The following PIGQ variants were observed in gnomAD, a reference collection of about 807,000 sequenced individuals.
PIGQ encodes the protein phosphatidylinositol glycan anchor biosynthesis class Q, also known as phosphatidylinositol N-acetylglucosaminyltransferase subunit Q.
A neutral mutation model predicts 60.3 loss-of-function variants in PIGQ; 54 were observed. The ratio of observed to expected loss-of-function variants is 0.90; its 90% CI spans 0.72 to 1.12. The LOEUF (loss-of-function observed/expected upper bound fraction) is 1.12, where lower values mean the gene tolerates loss of function less well. Ranked by LOEUF, PIGQ falls within the 50% of genes most tolerant of loss-of-function variation. The pLI, the probability that PIGQ is intolerant of heterozygous loss-of-function variation, is 0.00. For synonymous variants in PIGQ, 416 were observed against 363.7 expected, an observed-to-expected ratio of 1.14 and a Z score of -1.64; for missense variants, 799 against 793.5, an observed-to-expected ratio of 1.01 and a Z score of -0.08.
At chr16:577,442 T>TGACG (rs1567176109) in intron 4 of PIGQ, among the ~76,000 whole-genome samples, 9 of 152,040 alleles carry the variant, frequency 5.9e-5, no homozygotes, top group Admixed American at 2.0e-4. Context: ...CCAGGTATGG[T>TGACG]GGTGGGCACC....
chr16:576,084 C>T (rs1263978251), intron 3 of PIGQ, 50 bp from the exon 4 acceptor site: 2 of 1,543,976 alleles, frequency 1.3e-6, no homozygotes, highest in Middle Eastern at 1.7e-4. Context: ...CCTGCGGCCC[C>T]AGGCTGTGCT....
chr16:581,348 G>A, intron 9 of PIGQ: 1 of 1,210,910 alleles, frequency 8.3e-7, no homozygotes, highest in African/African-American at 1.6e-5. Context: ...TCCAGTAAGT[G>A]CCCCGTCCGC....
intron 1 of PIGQ, among the ~76,000 whole-genome samples, chr16:571,642 A>C (rs1042320741): frequency 7.1e-6 from 1 of 140,348 alleles, no homozygotes; most frequent in Non-Finnish European, 1.5e-5. Context: ...GTGTTTCCTC[A>C]GTCTTTAAAG....
At chr16:571,118 CTGGTGCCCGTGTGTGTG>C (rs2035615172) in intron 1 of PIGQ, among the ~76,000 whole-genome samples, 1 of 4,466 alleles carries the variant, frequency 2.2e-4, no homozygotes, top group Non-Finnish European at 3.8e-4. Flanking sequence ...TCTGGCTAGC[CTGGTGCCCGTGTGTGTG>C]TGTGTGTGTC....
At chr16:579,044 G>GGCCCGA (rs766670351) in intron 6 of PIGQ, 25 bp from the exon 7 acceptor site, 5 of 1,596,052 alleles carry the variant, frequency 3.1e-6, no homozygotes, top group East Asian at 2.2e-5. Flanking sequence ...GGCGGGGCCG[G>GGCCCGA]GCCCGACAGC....
At chr16:576,449 AG>A (rs1173640338) in intron 4 of PIGQ, 195 bp downstream of exon 4, 2 of 656,904 alleles carry the variant, frequency 3.0e-6, no homozygotes, top group Admixed American at 3.0e-5. Flanking sequence ...CAGGCCTCGC[AG>A]GTACACCCCC....
chr16:574,745 C>T lies in PIGQ; in HGVS notation c.671C>T (p.Ser224Leu). Residue 224 changes from serine to leucine, a missense_variant, in exon 2 of 11, where the codon TCA becomes TTA. Transcript: ENST00000321878. ...TTGGCCAGCCTGCTGTCGCTGGTCT[C>T]AGCTGTCAGTGCCTGCCGGTAGGTG... ...LLLASLLSLV[S>L]AVSACRVFKL... 1.3e-6 allele frequency: 2 copies of T among 1,577,786 alleles called. No homozygotes were observed. The highest frequency in any genetic ancestry group is 2.0e-4 in the Middle Eastern group (1 of 5,052).
In PIGQ at chr16:574,070, C is replaced by A. The variant is rs932208184; in HGVS notation, c.-5C>A. The stretch of plus-strand genomic sequence containing the variant: ...GCCTCTCCTCTTCTCTTCCAGCCTC[C>A]CGGCATGGTGCTCAAGGCCTTCTTC... On this transcript the variant is annotated 5_prime_UTR_variant, in exon 2 of 11. Coordinates refer to ENST00000321878, the MANE Select transcript of PIGQ (RefSeq NM_004204.5). 6.3e-7 allele frequency: 1 copy of A among 1,591,026 alleles called. No individual in the cohort carries two copies. The highest frequency in any genetic ancestry group is 8.6e-7 in the Non-Finnish European group (1 of 1,168,912).
At chr16:572,791 G>A (rs952703583) in intron 1 of PIGQ, among the ~76,000 whole-genome samples, 1 of 152,096 alleles carries the variant, frequency 6.6e-6, no homozygotes, top group South Asian at 2.1e-4. Flanking sequence ...CCCTAAGGAT[G>A]TGGTGGGCAC....
Position 580,399 on chromosome 16 carries a change from GGGCAGTGAGTGC to G in PIGQ, c.1416+137_1416+148del, listed in dbSNP as rs945685262. ...CGTGGGTGGCCTTTCAGGACCCTCTGGGCAGTGAGTGCTGCGCTCTGGAGTGGGCGAGGCCCT... is the reference window on the plus strand; with the variant it reads ...CGTGGGTGGCCTTTCAGGACCCTCTGTGCGCTCTGGAGTGGGCGAGGCCCT... On this transcript the variant is annotated intron_variant, in intron 8 of 10. Transcript: ENST00000321878. 4.5e-6 allele frequency: 3 copies of G among 662,716 alleles called. No homozygotes were observed. The African/African-American group carries it at 5.4e-5, about 12-fold the overall frequency. The allele number at this position is 662,716 out of a possible 1,614,324, so 41.1% of individuals were successfully genotyped here. A position where few individuals can be genotyped will look rare whatever the true frequency, so the allele number is the denominator to read the frequency against.
Position 583,767 on chromosome 16 carries a change from CA to C in PIGQ, c.*735del. 1.0e-6 allele frequency: 1 copy of C among 992,588 alleles called. No homozygotes were observed. The highest frequency in any genetic ancestry group is 1.6e-6 in the Non-Finnish European group (1 of 641,304). 61.5% of individuals were successfully genotyped at this position (992,588 alleles called of 1,614,324 possible). A position where few individuals can be genotyped will look rare whatever the true frequency, so the allele number is the denominator to read the frequency against. On this transcript the variant is annotated 3_prime_UTR_variant, in exon 11 of 11. Coordinates refer to ENST00000321878, the MANE Select transcript of PIGQ (RefSeq NM_004204.5). ...GCCCCGTAGCAGCAGGTCCTGCGGC[CA>C]AATCTGTCTCCCTTCATGGGCCTCC... is the stretch of plus-strand genomic sequence containing the variant.
intron 5 of PIGQ, 48 bp from the exon 6 acceptor site, chr16:578,737 G>A (rs1366166039): frequency 6.9e-6 from 11 of 1,595,394 alleles, no homozygotes; most frequent in East Asian, 2.2e-5. Context: ...GTGCTGGGCC[G>A]AGGGCTGGGG....
In PIGQ at chr16:574,346, A is replaced by G; in HGVS notation, c.272A>G (p.Glu91Gly). 1 of 1,609,402 alleles carries G rather than the reference A, an allele frequency of 6.2e-7. No homozygotes were observed. Among genetic ancestry groups the G allele is most frequent in the East Asian group, 2.2e-5 (1 of 44,812 alleles). The part of the protein sequence containing the change: ...LESLGAVFPH[E>G]PWLRLCRERG... ...AGCCTGGGTGCTGTCTTCCCCCATG[A>G]GCCCTGGCTGCGGCTGTGCCGGGAG... The change falls in exon 2 of 11, where the codon GAG (glutamate) becomes GGG (glycine). Residue 91 changes from glutamate to glycine, a missense_variant. Transcript: ENST00000321878.
chr16:578,566 C>T (rs994530499), intron 5 of PIGQ, 61 bp downstream of exon 5: 2 of 1,557,964 alleles, frequency 1.3e-6, no homozygotes, highest in Non-Finnish European at 1.7e-6. Context: ...GGGTAGGGAC[C>T]CAGCCAGACC....
chr16:575,624 G>T (rs993525374), intron 2 of PIGQ, among the ~76,000 whole-genome samples: 17 of 152,170 alleles, frequency 1.1e-4, no homozygotes, highest in African/African-American at 4.1e-4. Flanking sequence ...CAGCACCTGC[G>T]AGGAGGCCAG....
At chr16:570,186 C>G (rs970720512) in intron 1 of PIGQ, 90 bp downstream of exon 1, 11 of 151,758 alleles carry the variant, frequency 7.2e-5, no homozygotes, top group Non-Finnish European at 1.5e-4. Flanking sequence ...CACTCCCGCC[C>G]GCGGCGCCGC....
At position 574,682 on chromosome 16, in the gene PIGQ, A is replaced by C. The variant is rs2035690687; in HGVS notation, c.608A>C (p.Glu203Ala). 1.2e-6 allele frequency: 2 copies of C among 1,605,344 alleles called. No individual in the cohort carries two copies. Among genetic ancestry groups the C allele is most frequent in the Middle Eastern group, 1.9e-4 (1 of 5,238 alleles). ...GGCGTGGAGGCCAGCATCCTCGCGGAGCTGGCCAGGCGAGCCTCGGGACCC... is the reference window on the plus strand; with the variant it reads ...GGCGTGGAGGCCAGCATCCTCGCGGCGCTGGCCAGGCGAGCCTCGGGACCC... The part of the protein sequence containing the change: ...SEGVEASILA[E>A]LARRASGPIC... The change falls in exon 2 of 11, where the codon GAG becomes GCG. Residue 203 changes from glutamate (E) to alanine (A), a missense_variant. Transcript: ENST00000321878.
Position 583,432 on chromosome 16 carries a change from C to T in PIGQ, c.*397C>T, listed in dbSNP as rs141844646. On this transcript the variant is annotated 3_prime_UTR_variant, in exon 11 of 11. Coordinates refer to ENST00000321878, the MANE Select transcript of PIGQ (RefSeq NM_004204.5). ...TCTCCCTGGGGGCTCCCCAGTGGCTCTGCCCTGGCTGTGGGGGTGGAGGGA... is the reference window on the plus strand; with the variant it reads ...TCTCCCTGGGGGCTCCCCAGTGGCTTTGCCCTGGCTGTGGGGGTGGAGGGA... The T allele has an allele frequency of 1.2e-6, 2 of 1,612,704 alleles. No individual in the cohort carries two copies. Among genetic ancestry groups the T allele is most frequent in the Admixed American group, 1.7e-5 (1 of 60,008 alleles).
Position 579,083 on chromosome 16 carries a change from A to G in PIGQ, c.1238A>G (p.Lys413Arg). ...YVYGARLYCLKIHGLSSLWRL... is the reference protein window; with the variant it reads ...YVYGARLYCLRIHGLSSLWRL... ...GCGTCCTGTAGGCTGTACTGCCTGA[A>G]GATCCATGGCCTGTCCTCACTGTGG... Residue 413 changes from lysine to arginine, a missense_variant, in exon 7 of 11, where the codon AAG becomes AGG. Physicochemically the swap from Lys to Arg is conservative, Grantham distance 26 (BLOSUM62 2). Transcript: ENST00000321878. 2 of 1,612,586 alleles carry G rather than the reference A, an allele frequency of 1.2e-6. No homozygotes were observed. Among genetic ancestry groups the G allele is most frequent in the South Asian group, 1.1e-5 (1 of 91,080 alleles).
Sources: gnomAD v4.1 joint callset for allele counts (sites outside exome capture counted in the v4.1 genomes callset) on GRCh38, gnomAD v4.1.1 for gene constraint, MANE v1.5 for transcripts, NCBI Gene and HGNC (gene_info 2026-07-23, HGNC 2026-07-21) for gene names.